Variants in MATN2 observed in about 807,000 individuals in gnomAD.
The protein encoded by MATN2 is matrilin 2.
MATN2 carries 69 observed loss-of-function variants against 103.2 expected under a neutral mutation model. The observed-to-expected ratio is 0.67, with a 90% confidence interval of 0.55 to 0.82. The LOEUF is 0.82. Among genes scored for constraint, MATN2 ranks in the 40% least tolerant of loss-of-function variants. The pLI is 0.00. For missense variants in MATN2, 1,023 were observed against 1,211.5 expected (o/e 0.84, Z 2.31); for synonymous variants, 429 against 450.2 (o/e 0.95, Z 0.60).
Position 97,971,059 on chromosome 8 carries a change from G to A in MATN2, c.959-7827G>A, listed in dbSNP as rs189629320. ...GTATGGAAGAGGAGTTGGTCAACAC[G>A]CAGCAGGTGGTTGGTTAGGCAGTCA... On this transcript the variant is annotated intron_variant, in intron 5 of 18. Coordinates refer to ENST00000254898, the MANE Select transcript of MATN2 (RefSeq NM_002380.5). 3.8e-3 allele frequency among the ~76,000 whole-genome samples: 572 copies of A among 152,276 alleles called. 3 individuals carry two copies. The highest frequency in any genetic ancestry group is 0.011 in the African/African-American group (439 of 41,560).
At chr8:97,959,551 C>G (rs537463833) in intron 4 of MATN2, among the ~76,000 whole-genome samples, 54 of 152,158 alleles carry the variant, frequency 3.5e-4, no homozygotes, top group Non-Finnish European at 5.7e-4. Flanking sequence ...GGTTGGAGTT[C>G]TCAATTGGAA....
intron 10 of MATN2, among the ~76,000 whole-genome samples, chr8:98,012,703 C>T (rs1383058544): frequency 6.6e-6 from 1 of 152,128 alleles, no homozygotes; most frequent in Non-Finnish European, 1.5e-5. Flanking sequence ...GAGAATCTGC[C>T]AGGCTGCCTC....
At position 97,952,465 on chromosome 8, in the gene MATN2, C is replaced by T. The variant is rs148480829; in HGVS notation, c.836-8943C>T. 2.0e-5 allele frequency among the ~76,000 whole-genome samples: 3 copies of T among 152,290 alleles called. No homozygotes were observed. In the East Asian group the frequency reaches 5.8e-4, roughly 29 times the overall value. On this transcript the variant is annotated intron_variant, in intron 4 of 18. Coordinates refer to ENST00000254898, the MANE Select transcript of MATN2 (RefSeq NM_002380.5). ...TGGCCATAGCCTTTGCCCCATGCTCCGTGCTCCCCCCTCAGTTCTGCCTCC... is the reference window on the plus strand; with the variant it reads ...TGGCCATAGCCTTTGCCCCATGCTCTGTGCTCCCCCCTCAGTTCTGCCTCC...
At chr8:97,911,478 G>A (rs1809434218) in intron 2 of MATN2, among the ~76,000 whole-genome samples, 1 of 151,990 alleles carries the variant, frequency 6.6e-6, no homozygotes, top group Non-Finnish European at 1.5e-5. Flanking sequence ...GGAGGCCAAG[G>A]CAGGCGGATC....
rs1048193429 is a variant in MATN2, at chr8:98,027,892, T to A, written c.2356+63T>A. 8 of 1,476,670 alleles carry A rather than the reference T, an allele frequency of 5.4e-6. No homozygotes were observed. The African/African-American group carries it at 9.9e-5, about 18-fold the overall frequency. 91.5% of individuals were successfully genotyped at this position (1,476,670 alleles called of 1,614,324 possible). ...GTTCAGGTTTCTTAAACTCACTCAG[T>A]GGTCTCAGCTGGCCATAAGGGTAAG... is the stretch of plus-strand genomic sequence containing the variant. On this transcript the variant is annotated intron_variant, in intron 14 of 18. Coordinates refer to ENST00000254898, the MANE Select transcript of MATN2 (RefSeq NM_002380.5).
At chr8:97,947,838 C>G (rs969911565) in intron 4 of MATN2, among the ~76,000 whole-genome samples, 1 of 152,138 alleles carries the variant, frequency 6.6e-6, no homozygotes, top group Non-Finnish European at 1.5e-5. Context: ...CAGTAGTTAT[C>G]ATCCATAAAA....
At chr8:98,010,652 G>C (rs4492343) in intron 10 of MATN2, among the ~76,000 whole-genome samples, 18,512 of 152,142 alleles carry the variant, frequency 0.12, 3,657 homozygotes, top group African/African-American at 0.41. Flanking sequence ...AAACCCATCT[G>C]CCAGGGCCAG....
chr8:98,032,439 T>C, intron 16 of MATN2, 122 bp downstream of exon 16: 1 of 709,920 alleles, frequency 1.4e-6, no homozygotes. Flanking sequence ...AAGGCCTTTT[T>C]TCCCTCAAAA....
At chr8:97,981,475 C>CA (rs1230105180) in intron 6 of MATN2, among the ~76,000 whole-genome samples, 40 of 152,140 alleles carry the variant, frequency 2.6e-4, no homozygotes, top group Admixed American at 1.7e-3. Flanking sequence ...TTTAAAGGTG[C>CA]AAAAAACATT....
intron 3 of MATN2, among the ~76,000 whole-genome samples, chr8:97,935,094 T>C (rs560856671): frequency 1.1e-4 from 16 of 152,308 alleles, no homozygotes; most frequent in African/African-American, 3.8e-4. Flanking sequence ...ATTATCTTTT[T>C]TTTTTCTTTC....
chr8:98,017,965 A>G, intron 11 of MATN2, 29 bp from the exon 12 acceptor site: 2 of 1,610,938 alleles, frequency 1.2e-6, no homozygotes, highest in Non-Finnish European at 1.7e-6. Flanking sequence ...TGTTGTTGAA[A>G]TTGTTGTAAC....
chr8:98,020,193 T>G (rs1813537972), intron 12 of MATN2, among the ~76,000 whole-genome samples: 1 of 152,216 alleles, frequency 6.6e-6, no homozygotes. Context: ...TCACCCAGGC[T>G]GGAGTGCAGT....
At chr8:98,026,592 A>C (rs1813817014) in intron 13 of MATN2, among the ~76,000 whole-genome samples, 1 of 152,160 alleles carries the variant, frequency 6.6e-6, no homozygotes, top group African/African-American at 2.4e-5. Flanking sequence ...TCAGTAGGGT[A>C]CTTACAGGTG....
chr8:98,020,972 C>T, intron 12 of MATN2: 1 of 378,762 alleles, frequency 2.6e-6, no homozygotes. Context: ...GATAGTAAGT[C>T]AAGGACACCT....
chr8:97,873,075 G>A (rs759373296), intron 1 of MATN2, among the ~76,000 whole-genome samples: 4 of 152,146 alleles, frequency 2.6e-5, no homozygotes, highest in Admixed American at 1.3e-4. Flanking sequence ...GATCACATGC[G>A]TGAGCCAACC....
intron 5 of MATN2, among the ~76,000 whole-genome samples, chr8:97,964,369 C>T (rs551488308): frequency 6.6e-6 from 1 of 151,394 alleles, no homozygotes; most frequent in African/African-American, 2.4e-5. Flanking sequence ...TGTAGATGGC[C>T]AGGGAACATT....
rs1810171942 is a variant in MATN2, at chr8:97,931,099, G to C, written c.289G>C (p.Gly97Arg). The change falls in exon 3 of 19, where the codon GGC becomes CGC. Residue 97 changes from glycine to arginine, a missense_variant. Transcript: ENST00000254898. This position sits in a 1 kb window ranked among gnomAD's most constrained non-coding sequence, Gnocchi z 4.1. ...LDIGPDVTRV[G>R]LLQYGSTVKN... ...CATTGGTCCTGATGTCACCCGAGTG[G>C]GCCTGCTCCAATATGGCAGCACTGT... The C allele has an allele frequency of 6.2e-7, 1 of 1,613,850 alleles. No individual in the cohort carries two copies. Among genetic ancestry groups the C allele is most frequent in the African/African-American group, 1.3e-5 (1 of 74,914 alleles).
chr8:97,953,160 CT>C (rs138000295), intron 4 of MATN2, among the ~76,000 whole-genome samples: 13,861 of 151,934 alleles, frequency 0.091, 900 homozygotes, highest in Admixed American at 0.2. Flanking sequence ...CTGCGTTGGC[CT>C]CCCAAAGTGC....
At position 97,892,633 on chromosome 8, in the gene MATN2, T is replaced by C. The variant is rs375218991; in HGVS notation, c.142+4391T>C. On this transcript the variant is annotated intron_variant, in intron 2 of 18. Transcript: ENST00000254898. ...TTTTCATATAATTGTGAATGTTCTT[T>C]GATACTACACCAAAACTTGACAAAG... Among the ~76,000 whole-genome samples, 50 of 152,328 alleles carry C rather than the reference T, an allele frequency of 3.3e-4. No individual in the cohort carries two copies. The East Asian group carries it at 6.0e-3, about 18-fold the overall frequency.
Sources: gnomAD v4.1 joint callset for allele counts (sites outside exome capture counted in the v4.1 genomes callset) on GRCh38, gnomAD v4.1.1 for gene constraint, Gnocchi (gnomAD v3.1) non-coding constraint, MANE v1.5 for transcripts, NCBI Gene and HGNC (gene_info 2026-07-23, HGNC 2026-07-21) for gene names.